GRHL2: variants seen among roughly 807,000 people sequenced by gnomAD.
GRHL2 encodes grainyhead like transcription factor 2.
In GRHL2, 21 loss-of-function variants were observed where a neutral mutation model predicts 83.8. The ratio of observed to expected loss-of-function variants is 0.25; its 90% CI spans 0.18 to 0.36. The LOEUF (loss-of-function observed/expected upper bound fraction) is 0.36. Ranked by LOEUF, GRHL2 falls within the 10% of genes least tolerant of loss-of-function variation. The pLI is 1.00. For missense variants in GRHL2, 623 were observed against 781.8 expected, an observed-to-expected ratio of 0.80 and a Z score of 2.42; for synonymous variants, 280 against 278.9, an observed-to-expected ratio of 1.00 and a Z score of -0.04.
chr8:101,583,989 T>G lies in GRHL2; in HGVS notation c.1003+6470T>G, dbSNP rs535588133. Among the ~76,000 whole-genome samples, 5 of 152,340 alleles carry G rather than the reference T, an allele frequency of 3.3e-5. No homozygotes were observed. The South Asian group carries it at 1.0e-3, about 32-fold the overall frequency. ...GCTCTTGTGCTTTCAGAACGGGCAG[T>G]ACAGGTTGTGATGTAGTGAGCCTGA... On this transcript the variant is annotated intron_variant, in intron 7 of 15. Coordinates refer to ENST00000646743, the MANE Select transcript of GRHL2 (RefSeq NM_024915.4).
intron 9 of GRHL2, 74 bp from the exon 10 acceptor site, chr8:101,631,563 C>A: frequency 2.6e-6 from 3 of 1,139,244 alleles, no homozygotes; most frequent in Non-Finnish European, 3.9e-6. Context: ...ATCCTCATGA[C>A]TTATGTGTGA....
chr8:101,596,464 G>A (rs1272101817), intron 7 of GRHL2, among the ~76,000 whole-genome samples: 5 of 152,210 alleles, frequency 3.3e-5, no homozygotes, highest in Non-Finnish European at 7.4e-5. Context: ...AAGCATATAT[G>A]AATTTTTAGC....
rs76962315 is a variant in GRHL2 at position 101,513,943 on chromosome 8, C to T, written c.20+21154C>T. On this transcript the variant is annotated intron_variant, in intron 1 of 15. Coordinates refer to ENST00000646743, the MANE Select transcript of GRHL2 (RefSeq NM_024915.4). ...TGGGCCCATGAAAGTCCTTGACTAACCTTTCAATGTCTTCTATGCTCCCTT... is the reference window on the plus strand; with the variant it reads ...TGGGCCCATGAAAGTCCTTGACTAATCTTTCAATGTCTTCTATGCTCCCTT... Among the ~76,000 whole-genome samples, 752 of 152,264 alleles carry T rather than the reference C, an allele frequency of 4.9e-3. 3 individuals are homozygous for T. Among genetic ancestry groups the T allele is most frequent in the Middle Eastern group, 0.014 (4 of 294 alleles).
intron 1 of GRHL2, among the ~76,000 whole-genome samples, chr8:101,493,157 G>T (rs1036237979): frequency 6.6e-6 from 1 of 152,110 alleles, no homozygotes; most frequent in African/African-American, 2.4e-5. Flanking sequence ...TGCTCCCACC[G>T]ATCTGGCGTT....
chr8:101,670,830 A>G (rs1353090551), downstream of GRHL2, among the ~76,000 whole-genome samples: 1 of 152,060 alleles, frequency 6.6e-6, no homozygotes, highest in Non-Finnish European at 1.5e-5. Context: ...CACTCTCTAC[A>G]CTGATTCAGT....
chr8:101,562,936 G>A (rs1382956433), intron 4 of GRHL2, among the ~76,000 whole-genome samples: 1 of 152,188 alleles, frequency 6.6e-6, no homozygotes, highest in African/African-American at 2.4e-5. Flanking sequence ...TCTTTAGCCT[G>A]CTGCCTATTT....
At chr8:101,552,603 A>G in intron 2 of GRHL2, 112 bp from the exon 3 acceptor site, 1 of 971,530 alleles carries the variant, frequency 1.0e-6, no homozygotes, top group Non-Finnish European at 1.7e-6. Context: ...CTTTTCCACC[A>G]TTTCCTGGAG....
chr8:101,569,394 A>C (rs1418982962), intron 4 of GRHL2, among the ~76,000 whole-genome samples: 1 of 152,168 alleles, frequency 6.6e-6, no homozygotes, highest in Non-Finnish European at 1.5e-5. Flanking sequence ...GGGTCAAATT[A>C]TTACTTTATA....
chr8:101,677,537 AT>A, the GRHL2 span, among the ~76,000 whole-genome samples: 22 of 145,426 alleles, frequency 1.5e-4, no homozygotes, highest in African/African-American at 4.6e-4. Flanking sequence ...GAAAAAAAAA[AT>A]ACATCTTGAG....
intron 1 of GRHL2, among the ~76,000 whole-genome samples, chr8:101,515,039 T>G (rs1466250896): frequency 1.3e-5 from 2 of 150,120 alleles, no homozygotes; most frequent in Admixed American, 1.3e-4. Flanking sequence ...CCTTCCTTCC[T>G]TCCATCCTTC....
chr8:101,677,238 A>G, the GRHL2 span, among the ~76,000 whole-genome samples: 1 of 151,952 alleles, frequency 6.6e-6, no homozygotes, highest in Non-Finnish European at 1.5e-5. Context: ...AATAAAGAAA[A>G]GGCACCAAGA....
At chr8:101,567,924 G>T (rs1285590224) in intron 4 of GRHL2, among the ~76,000 whole-genome samples, 3 of 152,118 alleles carry the variant, frequency 2.0e-5, no homozygotes, top group Admixed American at 1.3e-4. Context: ...GGTTTTTATG[G>T]ATTACTGCAT....
intron 1 of GRHL2, among the ~76,000 whole-genome samples, chr8:101,529,889 G>A (rs1230244931): frequency 2.0e-5 from 3 of 152,110 alleles, no homozygotes; most frequent in Non-Finnish European, 4.4e-5. Flanking sequence ...AGGGTAAGCT[G>A]GGGGTTAGAC....
intron 1 of GRHL2, among the ~76,000 whole-genome samples, chr8:101,496,756 T>C (rs1810114833): frequency 6.6e-6 from 1 of 152,000 alleles, no homozygotes; most frequent in Non-Finnish European, 1.5e-5. Context: ...GAGCTTTGAG[T>C]GGAGGCCTGA....
chr8:101,613,971 A>C (rs1812804765), intron 8 of GRHL2, among the ~76,000 whole-genome samples: 1 of 151,104 alleles, frequency 6.6e-6, no homozygotes. Context: ...ACCAAATCAC[A>C]GACGTTACAA....
At chr8:101,586,760 G>A (rs184038521) in intron 7 of GRHL2, among the ~76,000 whole-genome samples, 48 of 152,298 alleles carry the variant, frequency 3.2e-4, no homozygotes, top group Non-Finnish European at 4.4e-4. Context: ...GGTTTTGTGC[G>A]TTTAGGTGAC....
chr8:101,636,131 T>C (rs1183248077), intron 11 of GRHL2, among the ~76,000 whole-genome samples: 1 of 152,208 alleles, frequency 6.6e-6, no homozygotes, highest in African/African-American at 2.4e-5. Context: ...TTACAGATAA[T>C]TGGGTCAAGA....
chr8:101,639,205 C>G (rs892949160), intron 12 of GRHL2, among the ~76,000 whole-genome samples: 3 of 152,182 alleles, frequency 2.0e-5, no homozygotes, highest in Admixed American at 6.5e-5. Flanking sequence ...TTGGCTCACC[C>G]TGTGTTATTG....
chr8:101,494,393 C>T (rs1255315218), intron 1 of GRHL2, among the ~76,000 whole-genome samples: 2 of 152,158 alleles, frequency 1.3e-5, no homozygotes, highest in African/African-American at 4.8e-5. Context: ...AGGAATTAAC[C>T]GAGTACAGCA....
Sources: allele counts gnomAD v4.1 joint callset (sites outside exome capture counted in the v4.1 genomes callset), GRCh38; gene constraint gnomAD v4.1.1; transcripts MANE v1.5; gene names NCBI Gene and HGNC (gene_info 2026-07-23, HGNC 2026-07-21).